Variants in MED27 observed in about 807,000 individuals in gnomAD.
MED27 encodes mediator complex subunit 27.
A neutral mutation model predicts 38.2 loss-of-function variants in MED27; 30 were observed. That is an observed-to-expected ratio of 0.79 (90% CI 0.59 to 1.07). The LOEUF (loss-of-function observed/expected upper bound fraction) is 1.07. Among genes scored for constraint, MED27 ranks in the 50% least tolerant of loss-of-function variants. The pLI is 0.00. For missense variants in MED27, 289 were observed against 397.5 expected, an observed-to-expected ratio of 0.73 and a Z score of 2.32; for synonymous variants, 122 against 153.5, an observed-to-expected ratio of 0.79 and a Z score of 1.52.
At chr9:132,039,595 T>C (rs540868345) in intron 2 of MED27, among the ~76,000 whole-genome samples, 4 of 152,328 alleles carry the variant, frequency 2.6e-5, no homozygotes, top group Admixed American at 2.6e-4. Context: ...ACCGCCAGTC[T>C]GTCTGCCATC....
At chr9:132,036,010 T>G (rs568549259) in intron 2 of MED27, among the ~76,000 whole-genome samples, 2 of 151,752 alleles carry the variant, frequency 1.3e-5, no homozygotes, top group African/African-American at 4.8e-5. Flanking sequence ...CCACAGAGAA[T>G]GGGGCCTTTG....
rs66519112 is a variant in MED27, at chr9:131,986,999, A to ATTTT, written c.479+27334_479+27337dup. On this transcript the variant is annotated intron_variant, in intron 3 of 7. Coordinates refer to ENST00000292035, the MANE Select transcript of MED27 (RefSeq NM_004269.4). ...CATGGGCCTTTCCTTGAGTTCATGG[A>ATTTT]TTTTTTTTTTTTTTTTTTTTTTTTT... Among the ~76,000 whole-genome samples, 359 of 46,242 alleles carry ATTTT rather than the reference A, an allele frequency of 7.8e-3. 62 individuals carry two copies. The highest frequency in any genetic ancestry group is 9.9e-3 in the Non-Finnish European group (266 of 26,924). 30.3% of individuals were successfully genotyped at this position (46,242 alleles called of 152,430 possible). A position where few individuals can be genotyped will look rare whatever the true frequency, so the allele number is the denominator to read the frequency against.
At chr9:131,945,364 T>A (rs1054009434) in intron 3 of MED27, among the ~76,000 whole-genome samples, 1 of 152,038 alleles carries the variant, frequency 6.6e-6, no homozygotes, top group Non-Finnish European at 1.5e-5. Context: ...GAAATATGCA[T>A]ATATTGTGGA....
chr9:132,029,385 CA>C (rs1458603587), intron 2 of MED27, among the ~76,000 whole-genome samples: 1 of 152,158 alleles, frequency 6.6e-6, no homozygotes, highest in Non-Finnish European at 1.5e-5. Flanking sequence ...AGATTGGCAA[CA>C]TTTTTTTGCC....
At chr9:131,910,336 T>C (rs538491234) in intron 4 of MED27, among the ~76,000 whole-genome samples, 1 of 152,348 alleles carries the variant, frequency 6.6e-6, no homozygotes, top group East Asian at 1.9e-4. Flanking sequence ...TTACATTGTA[T>C]CCCATTTGGA....
At chr9:131,876,623 C>T (rs1244608966) in intron 6 of MED27, among the ~76,000 whole-genome samples, 1 of 152,112 alleles carries the variant, frequency 6.6e-6, no homozygotes, top group Non-Finnish European at 1.5e-5. Flanking sequence ...CTCTCAGCTC[C>T]CAGAGCCCCG....
At chr9:131,912,188 AG>A (rs1830202536) in intron 4 of MED27, among the ~76,000 whole-genome samples, 2 of 152,190 alleles carry the variant, frequency 1.3e-5, no homozygotes, top group Admixed American at 6.5e-5. Flanking sequence ...CTTCATGAAA[AG>A]GGGTCTGTGG....
chr9:131,944,828 G>A (rs561369140), intron 3 of MED27, among the ~76,000 whole-genome samples: 316 of 152,056 alleles, frequency 2.1e-3, no homozygotes, highest in African/African-American at 7.4e-3. Flanking sequence ...CACCACGCCC[G>A]GCTGTTTGTT....
At chr9:131,864,626 G>A (rs920867696) in intron 6 of MED27, among the ~76,000 whole-genome samples, 4 of 152,270 alleles carry the variant, frequency 2.6e-5, no homozygotes, top group Non-Finnish European at 4.4e-5. Context: ...GTATGTGGCT[G>A]AACCCATGCA....
chr9:131,908,911 C>G (rs1307594281), intron 4 of MED27, among the ~76,000 whole-genome samples: 3 of 151,954 alleles, frequency 2.0e-5, no homozygotes, highest in East Asian at 1.9e-4. Flanking sequence ...TAAAAGAATG[C>G]CTAACGTCCT....
At chr9:132,071,046 T>C (rs2131165293) in intron 2 of MED27, among the ~76,000 whole-genome samples, 1 of 152,246 alleles carries the variant, frequency 6.6e-6, no homozygotes, top group South Asian at 2.1e-4. Flanking sequence ...CTCAGCATCG[T>C]CTTAAGACAA....
intron 5 of MED27, among the ~76,000 whole-genome samples, chr9:131,884,349 G>GCTCC (rs1183789598): frequency 6.6e-6 from 1 of 152,166 alleles, no homozygotes; most frequent in African/African-American, 2.4e-5. Context: ...TGCTTCCAAG[G>GCTCC]CTCCTGCAAG....
chr9:132,017,104 T>C (rs1298243081), intron 2 of MED27, among the ~76,000 whole-genome samples: 1 of 152,156 alleles, frequency 6.6e-6, no homozygotes, highest in Non-Finnish European at 1.5e-5. Flanking sequence ...ACTGTCAAGA[T>C]CTATAAGGGG....
chr9:131,886,987 G>C (rs1839151722), intron 5 of MED27, among the ~76,000 whole-genome samples: 1 of 152,112 alleles, frequency 6.6e-6, no homozygotes, highest in Non-Finnish European at 1.5e-5. Context: ...AACTAATATA[G>C]TTCTCCTTCC....
intron 2 of MED27, among the ~76,000 whole-genome samples, chr9:132,048,021 A>C (rs1323826400): frequency 6.6e-6 from 1 of 152,210 alleles, no homozygotes. Flanking sequence ...CCAAGGTCTG[A>C]TCGCAAAAAA....
chr9:131,879,043 A>C (rs1008675870), intron 6 of MED27, among the ~76,000 whole-genome samples: 7 of 152,208 alleles, frequency 4.6e-5, no homozygotes, highest in Admixed American at 2.0e-4. Flanking sequence ...AGGAAGAGTG[A>C]AAAGGGCTTG....
At chr9:132,064,982 G>T (rs984718148) in intron 2 of MED27, among the ~76,000 whole-genome samples, 16 of 152,156 alleles carry the variant, frequency 1.1e-4, no homozygotes, top group African/African-American at 3.9e-4. Flanking sequence ...GGAAGGTAGG[G>T]AATTACTGGC....
intron 3 of MED27, among the ~76,000 whole-genome samples, chr9:131,983,160 A>G (rs1831776927): frequency 6.6e-6 from 1 of 152,296 alleles, no homozygotes; most frequent in African/African-American, 2.4e-5. Flanking sequence ...CTTTACAATC[A>G]TGTAAGTTTT....
intron 2 of MED27, among the ~76,000 whole-genome samples, chr9:132,062,085 G>A (rs1366847723): frequency 6.6e-6 from 1 of 152,170 alleles, no homozygotes; most frequent in Non-Finnish European, 1.5e-5. Flanking sequence ...TCCTACCTAT[G>A]CTCCTACCTC....
Sources: allele counts gnomAD v4.1 joint callset (sites outside exome capture counted in the v4.1 genomes callset), GRCh38; gene constraint gnomAD v4.1.1; transcripts MANE v1.5; gene names NCBI Gene and HGNC (gene_info 2026-07-23, HGNC 2026-07-21).